The following TTLL7 variants were observed in gnomAD, a reference collection of about 807,000 sequenced individuals.
The protein encoded by TTLL7 is tubulin tyrosine ligase like 7.
In TTLL7, 53 loss-of-function variants were observed where a neutral mutation model predicts 120.2. That is an observed-to-expected ratio of 0.44 (90% CI 0.35 to 0.55). The LOEUF is 0.55. TTLL7 is among the 20% of genes least tolerant of loss of function. The probability of loss-of-function intolerance (pLI) is 0.00; values close to 1 mark genes in which losing one functional copy is unlikely to be tolerated. For missense variants in TTLL7, 803 were observed against 1,054.7 expected, an observed-to-expected ratio of 0.76 and a Z score of 3.31; for synonymous variants, 353 against 351.7, an observed-to-expected ratio of 1.00 and a Z score of -0.04.
intron 18 of TTLL7, among the ~76,000 whole-genome samples, chr1:83,901,104 T>C (rs1258766733): frequency 1.3e-5 from 2 of 151,962 alleles, no homozygotes; most frequent in Non-Finnish European, 2.9e-5. Flanking sequence ...CTAGTGTTAC[T>C]TGTCATTTTA....
In TTLL7 at chr1:83,919,823, G is replaced by C; in HGVS notation, c.1376C>G (p.Pro459Arg). 1 of 1,609,736 alleles carries C rather than the reference G, an allele frequency of 6.2e-7. No homozygotes were observed. Among genetic ancestry groups the C allele is most frequent in the Non-Finnish European group, 8.5e-7 (1 of 1,178,438 alleles). ...RHMGNYRRIYPPEDKALLEKY... is the reference protein window; with the variant it reads ...RHMGNYRRIYRPEDKALLEKY... The stretch of plus-strand genomic sequence containing the variant: ...TTCAAGTAATGCTTTATCTTCAGGA[G>C]GATAAATTCGTCTACAACAAAATCA... The change falls in exon 13 of 21, where the codon CCT becomes CGT. Residue 459 changes from proline (P) to arginine (R), a missense_variant. By Grantham distance (103) the Pro-to-Arg change is moderately radical. Coordinates refer to ENST00000260505, the MANE Select transcript of TTLL7 (RefSeq NM_024686.6).
At chr1:83,951,627 C>A (rs1333800199) in intron 3 of TTLL7, among the ~76,000 whole-genome samples, 1 of 152,148 alleles carries the variant, frequency 6.6e-6, no homozygotes, top group Admixed American at 6.5e-5. Flanking sequence ...AGTGTTTGAA[C>A]TGAAATTTTA....
At chr1:83,998,571 TGGGA>T (rs375385945) in intron 1 of TTLL7, among the ~76,000 whole-genome samples, 223 of 152,316 alleles carry the variant, frequency 1.5e-3, no homozygotes, top group Non-Finnish European at 2.4e-3. Flanking sequence ...TACCACGATG[TGGGA>T]AAACGACGGA....
At chr1:83,872,771 T>C (rs79687150) in intron 20 of TTLL7, among the ~76,000 whole-genome samples, 14 of 152,368 alleles carry the variant, frequency 9.2e-5, no homozygotes, top group African/African-American at 2.2e-4. Context: ...GTGTTTTCTA[T>C]GTGCCCAGCA....
intron 18 of TTLL7, among the ~76,000 whole-genome samples, chr1:83,898,927 A>G (rs1383359030): frequency 6.6e-6 from 1 of 151,932 alleles, no homozygotes; most frequent in Non-Finnish European, 1.5e-5. Flanking sequence ...ATATGTTTAC[A>G]TTAGAGTTCA....
chr1:83,885,174 G>C (rs1223560323), intron 19 of TTLL7: 1 of 180,168 alleles, frequency 5.6e-6, no homozygotes, highest in African/African-American at 2.4e-5. Context: ...ATATACATGT[G>C]AATATATACA....
chr1:83,892,999 G>C (rs1257597298), intron 18 of TTLL7, among the ~76,000 whole-genome samples: 2 of 139,280 alleles, frequency 1.4e-5, no homozygotes, highest in African/African-American at 3.2e-5. Context: ...GGGGAGGGGA[G>C]AGGAGAGGAG....
At chr1:83,907,376 T>C (rs1260434221) in intron 16 of TTLL7, 80 bp downstream of exon 16, 7 of 1,268,804 alleles carry the variant, frequency 5.5e-6, no homozygotes, top group African/African-American at 1.5e-5. Flanking sequence ...TGAGGTTCAG[T>C]CTGTCCTCCT....
In TTLL7 at chr1:83,911,379, A is replaced by G; in HGVS notation, c.1588-16T>C. On this transcript the variant is annotated splice_polypyrimidine_tract_variant and intron_variant, in intron 14 of 20. Coordinates refer to ENST00000260505, the MANE Select transcript of TTLL7 (RefSeq NM_024686.6). ...AACACAGAGGCTAAAAAAGATGGAA[A>G]TGTGTTATTTTGTTAGAATTCTTAA... The G allele has an allele frequency of 4.4e-6, 7 of 1,580,668 alleles. No individual in the cohort carries two copies. Among genetic ancestry groups the G allele is most frequent in the Non-Finnish European group, 6.0e-6 (7 of 1,161,450 alleles).
Position 83,907,471 on chromosome 1 carries a change from A to G in TTLL7, c.1977T>C (p.Ser659=), listed in dbSNP as rs1657293393. The change falls in exon 16 of 21, where the codon TCT becomes TCC. Residue 659 remains serine (S), a synonymous_variant. Transcript: ENST00000260505. ...RHLPHSNDAC[S]TNSQVSESLR... is the part of the protein sequence containing the mutation. ...GATGACCTACCACTTGAGAGTTGGT[A>G]GAGCAGGCATCATTACTGTGAGGCA... 1 of 1,612,770 alleles carries G rather than the reference A, an allele frequency of 6.2e-7. No homozygotes were observed.
At chr1:83,935,448 C>T (rs983951080) in intron 8 of TTLL7, among the ~76,000 whole-genome samples, 1 of 151,954 alleles carries the variant, frequency 6.6e-6, no homozygotes, top group Non-Finnish European at 1.5e-5. Flanking sequence ...AATTCCACTA[C>T]TGTTTTTGAG....
chr1:83,957,944 T>C (rs937596478), intron 1 of TTLL7, among the ~76,000 whole-genome samples: 2 of 152,200 alleles, frequency 1.3e-5, no homozygotes, highest in Non-Finnish European at 2.9e-5. Context: ...TCTATTATAC[T>C]TTATTATAGC....
chr1:83,867,139 C>T lies in TTLL7; in HGVS notation c.*2823G>A, dbSNP rs1196332967. On this transcript the variant is annotated 3_prime_UTR_variant, in exon 21 of 21. Coordinates refer to ENST00000260505, the MANE Select transcript of TTLL7 (RefSeq NM_024686.6). ...TTCTCTCCTAGAAAAGGGAGTCACA[C>T]CTGTACAATCACTTATGCTTATATG... 2 of 151,916 alleles carry T rather than the reference C, an allele frequency of 1.3e-5. No individual in the cohort carries two copies. The highest frequency in any genetic ancestry group is 6.6e-5 in the Admixed American group (1 of 15,254). The allele number at this position is 151,916 out of a possible 1,614,324, so 9.4% of individuals were successfully genotyped here.
Position 83,883,106 on chromosome 1 carries a change from G to A in TTLL7, c.2400C>T (p.Ser800=), listed in dbSNP as rs1654656565. 3 of 1,609,476 alleles carry A rather than the reference G, an allele frequency of 1.9e-6. No individual in the cohort carries two copies. Among genetic ancestry groups the A allele is most frequent in the Non-Finnish European group, 2.5e-6 (3 of 1,177,876 alleles). ...GSSWESIFNK[S]PEVVTPLQLQ... ...GCTGCAAAGGAGTCACCACCTCCGG[G>A]CTTTTATTGAATATACTCTCCCAAG... Residue 800 remains serine, a synonymous_variant, in exon 20 of 21, where the codon AGC becomes AGT. Transcript: ENST00000260505.
At chr1:83,897,214 G>A (rs147371932) in intron 18 of TTLL7, among the ~76,000 whole-genome samples, 78 of 151,980 alleles carry the variant, frequency 5.1e-4, no homozygotes, top group African/African-American at 1.8e-3. Flanking sequence ...CCTCAATCCT[G>A]GAACAGGAAA....
chr1:83,888,194 T>C (rs1655124769), intron 19 of TTLL7, among the ~76,000 whole-genome samples: 1 of 151,996 alleles, frequency 6.6e-6, no homozygotes, highest in South Asian at 2.1e-4. Context: ...CTCTCCATGG[T>C]AGAGAGTATC....
intron 9 of TTLL7, 113 bp downstream of exon 9, chr1:83,933,495 C>G (rs2100823314): frequency 9.1e-7 from 1 of 1,099,848 alleles, no homozygotes; most frequent in East Asian, 2.4e-5. Context: ...TTCCATTCAG[C>G]CTTCATTCTG....
intron 1 of TTLL7, among the ~76,000 whole-genome samples, chr1:83,989,122 T>C (rs1350900748): frequency 6.6e-6 from 1 of 152,248 alleles, no homozygotes; most frequent in Non-Finnish European, 1.5e-5. Context: ...TCTCCCATTC[T>C]GTAGGTTGTC....
At chr1:83,952,649 A>G (rs1483636502) in intron 1 of TTLL7, among the ~76,000 whole-genome samples, 2 of 152,182 alleles carry the variant, frequency 1.3e-5, no homozygotes, top group East Asian at 1.9e-4. Context: ...TACACAAACA[A>G]TAACAGCAAT....
Sources: gnomAD v4.1 joint callset for allele counts (sites outside exome capture counted in the v4.1 genomes callset) on GRCh38, gnomAD v4.1.1 for gene constraint, MANE v1.5 for transcripts, NCBI Gene and HGNC (gene_info 2026-07-23, HGNC 2026-07-21) for gene names.